The following NTM variants were observed in gnomAD, a reference collection of about 807,000 sequenced individuals.
NTM encodes neurotrimin.
A neutral mutation model predicts 42.1 loss-of-function variants in NTM; 13 were observed. The ratio of observed to expected loss-of-function variants is 0.31; its 90% CI spans 0.20 to 0.49. NTM has a LOEUF of 0.49. NTM is among the 20% of genes least tolerant of loss of function. NTM has a pLI of 0.99. For synonymous variants in NTM, 187 were observed against 179.2 expected (o/e 1.04, Z -0.35); for missense variants, 373 against 452.8 (o/e 0.82, Z 1.60).
rs189222361 is a variant in NTM, at chr11:132,183,768, A to G, written c.401-28254A>G. Among the ~76,000 whole-genome samples, 132 of 152,284 alleles carry G rather than the reference A, an allele frequency of 8.7e-4. 1 individual carries two copies. Among genetic ancestry groups the G allele is most frequent in the Non-Finnish European group, 1.3e-3 (89 of 68,026 alleles). On this transcript the variant is annotated intron_variant, in intron 3 of 8. Coordinates refer to ENST00000683400, the MANE Select transcript of NTM (RefSeq NM_001352005.2). ...GCTTCCATTCCTGTTTCTGGAACTT[A>G]ATATTCAATACAAATTTAGGCCATC...
intron 1 of NTM, among the ~76,000 whole-genome samples, chr11:131,836,308 C>T (rs376432441): frequency 6.6e-6 from 1 of 152,202 alleles, no homozygotes; most frequent in Admixed American, 6.5e-5. Context: ...TGAACTAGTT[C>T]GAGAGCTTCT....
At chr11:131,691,500 T>C (rs1029224410) in intron 1 of NTM, among the ~76,000 whole-genome samples, 9 of 150,732 alleles carry the variant, frequency 6.0e-5, no homozygotes, top group African/African-American at 2.0e-4. Context: ...TGCTCCCTCC[T>C]GGCCCCCCGC....
intron 3 of NTM, among the ~76,000 whole-genome samples, chr11:132,182,248 C>T (rs1053363498): frequency 6.6e-6 from 1 of 151,980 alleles, no homozygotes; most frequent in Non-Finnish European, 1.5e-5. Flanking sequence ...ATATTCCTTT[C>T]CCTTGTTTTC....
chr11:132,105,858 G>A (rs985872304), intron 2 of NTM, among the ~76,000 whole-genome samples: 3 of 152,114 alleles, frequency 2.0e-5, no homozygotes, highest in Admixed American at 6.5e-5. Flanking sequence ...TTTCCATATC[G>A]AGAAAGAGGG....
intron 1 of NTM, among the ~76,000 whole-genome samples, chr11:131,758,867 C>T (rs569697683): frequency 1.3e-5 from 2 of 152,266 alleles, no homozygotes; most frequent in South Asian, 2.1e-4. Context: ...GCGAGGATTA[C>T]AGGCATGACC....
rs1329383382 is a variant in NTM at position 131,372,424 on chromosome 11, T to C, written c.82+1536T>C. 6.6e-5 allele frequency among the ~76,000 whole-genome samples: 10 copies of C among 152,112 alleles called. No individual in the cohort carries two copies. The East Asian group carries it at 1.5e-3, about 24-fold the overall frequency. Reference sequence around the variant, plus strand: ...AGGCATCCTCGATTGACTCCTCTTATATAATATGAAGCAGTATCAGTGTGT... The same window carrying C: ...AGGCATCCTCGATTGACTCCTCTTACATAATATGAAGCAGTATCAGTGTGT... On this transcript the variant is annotated intron_variant, in intron 1 of 8. Transcript: ENST00000683400.
chr11:131,428,198 T>C (rs542578103), intron 1 of NTM, among the ~76,000 whole-genome samples: 3 of 152,312 alleles, frequency 2.0e-5, no homozygotes, highest in Non-Finnish European at 4.4e-5. Context: ...ATCGATAGCA[T>C]CTCAACCACC....
rs545435573 is a variant in NTM at position 131,940,077 on chromosome 11, C to G, written c.167+28429C>G. 2.6e-5 allele frequency among the ~76,000 whole-genome samples: 4 copies of G among 152,348 alleles called. No homozygotes were observed. In the East Asian group the frequency reaches 7.7e-4, roughly 29 times the overall value. On this transcript the variant is annotated intron_variant, in intron 2 of 8. Coordinates refer to ENST00000683400, the MANE Select transcript of NTM (RefSeq NM_001352005.2). Reference sequence around the variant, plus strand: ...CTATTTGAAACTGTGTAAAACACCTCCCTTCAGAGAGCTTTTCTCACTGTT... The same window carrying G: ...CTATTTGAAACTGTGTAAAACACCTGCCTTCAGAGAGCTTTTCTCACTGTT...
chr11:132,193,891 C>G (rs2079721720), intron 3 of NTM, among the ~76,000 whole-genome samples: 1 of 151,940 alleles, frequency 6.6e-6, no homozygotes, highest in African/African-American at 2.4e-5. Context: ...TTCTGGAAAC[C>G]TACAGCCTCC....
Position 132,330,157 on chromosome 11 carries a change from G to GA in NTM, c.943dup (p.Thr315AsnfsTer44). 3 of 1,551,678 alleles carry GA rather than the reference G, an allele frequency of 1.9e-6. No homozygotes were observed. The highest frequency in any genetic ancestry group is 2.6e-6 in the Non-Finnish European group (3 of 1,146,954). Reference sequence around the variant, plus strand: ...CTTGTTTTTAATTTCTTTTAGAAGTGAAAACTACAGCCCTGACCCCTTGGA... The same window carrying GA: ...CTTGTTTTTAATTTCTTTTAGAAGTGAAAAACTACAGCCCTGACCCCTTGGA... On this transcript the variant is annotated frameshift_variant, in exon 8 of 9. Transcript: ENST00000683400. LOFTEE classifies it high-confidence loss of function.
At chr11:132,181,993 T>TA (rs1566402046) in intron 3 of NTM, among the ~76,000 whole-genome samples, 3 of 146,794 alleles carry the variant, frequency 2.0e-5, no homozygotes, top group South Asian at 2.1e-4. Flanking sequence ...TTATTATTAT[T>TA]TTAATCTAGG....
At chr11:132,319,748 T>TCAGA (rs555715608) in intron 7 of NTM, among the ~76,000 whole-genome samples, 2 of 152,336 alleles carry the variant, frequency 1.3e-5, no homozygotes, top group Non-Finnish European at 2.9e-5. Context: ...AATGTCCCTC[T>TCAGA]CAGACAGCTT....
At chr11:131,718,458 A>G (rs536526907) in intron 1 of NTM, among the ~76,000 whole-genome samples, 33 of 152,290 alleles carry the variant, frequency 2.2e-4, no homozygotes, top group Middle Eastern at 3.4e-3. Flanking sequence ...CACTGACACA[A>G]GATACTCATG....
intron 1 of NTM, among the ~76,000 whole-genome samples, chr11:131,733,760 A>G (rs1305991961): frequency 6.6e-6 from 1 of 151,876 alleles, no homozygotes; most frequent in Non-Finnish European, 1.5e-5. Context: ...CTGCTCTCGA[A>G]CCCCTGACCT....
chr11:132,196,710 G>T (rs189915758), intron 3 of NTM, among the ~76,000 whole-genome samples: 72 of 152,192 alleles, frequency 4.7e-4, no homozygotes, highest in Middle Eastern at 3.4e-3. Flanking sequence ...CTTATAAGTG[G>T]GAGCTACACA....
chr11:131,852,736 G>T (rs1444927748), intron 1 of NTM, among the ~76,000 whole-genome samples: 2 of 151,900 alleles, frequency 1.3e-5, no homozygotes, highest in East Asian at 3.9e-4. Context: ...CCCACCGATG[G>T]ATTTATCCAT....
At chr11:131,396,483 A>C (rs982331005) in intron 1 of NTM, among the ~76,000 whole-genome samples, 4 of 152,154 alleles carry the variant, frequency 2.6e-5, no homozygotes, top group Non-Finnish European at 2.9e-5. Flanking sequence ...CAGCCATAAA[A>C]GTATATTTTG....
At chr11:131,578,424 C>T (rs1252286512) in intron 1 of NTM, among the ~76,000 whole-genome samples, 2 of 152,002 alleles carry the variant, frequency 1.3e-5, no homozygotes, top group Non-Finnish European at 2.9e-5. Flanking sequence ...AGAAAAAAGG[C>T]CAGTGCATTT....
In NTM at chr11:131,611,791, G is replaced by T. The variant is rs1205900545; in HGVS notation, c.82+240903G>T. Reference sequence around the variant, plus strand: ...TGTGTGAAACATGTCAACCAAGGTGGGAAAGACCAGACTTTCCCCACACAG... The same window carrying T: ...TGTGTGAAACATGTCAACCAAGGTGTGAAAGACCAGACTTTCCCCACACAG... On this transcript the variant is annotated intron_variant, in intron 1 of 8. Coordinates refer to ENST00000683400, the MANE Select transcript of NTM (RefSeq NM_001352005.2). Among the ~76,000 whole-genome samples, 4 of 152,130 alleles carry T rather than the reference G, an allele frequency of 2.6e-5. No homozygotes were observed. In the East Asian group the frequency reaches 7.7e-4, roughly 29 times the overall value.
Sources: allele counts gnomAD v4.1 joint callset (sites outside exome capture counted in the v4.1 genomes callset), GRCh38; gene constraint gnomAD v4.1.1; transcripts MANE v1.5; gene names NCBI Gene and HGNC (gene_info 2026-07-23, HGNC 2026-07-21).